DAPK2: variants seen among roughly 807,000 people sequenced by gnomAD.
The protein encoded by DAPK2 is death-associated protein kinase 2.
Under a neutral mutation model 44.1 loss-of-function variants are expected in DAPK2, and 35 were observed. The ratio of observed to expected loss-of-function variants is 0.79; its 90% confidence interval spans 0.61 to 1.05. DAPK2 has a LOEUF of 1.05. DAPK2 is among the 50% of genes least tolerant of loss of function. DAPK2 has a pLI of 0.00. For synonymous variants in DAPK2, 174 were observed against 182.6 expected (o/e 0.95, Z 0.38); for missense variants, 453 against 483.2 (o/e 0.94, Z 0.59).
At chr15:63,922,290 C>A (rs117398670) in intron 8 of DAPK2, 14,474 of 992,808 alleles carry the variant, frequency 0.015, 123 homozygotes, top group Non-Finnish European at 0.016. Flanking sequence ...ATTGTAAATC[C>A]CTGCTTCTGT....
intron 1 of DAPK2, among the ~76,000 whole-genome samples, chr15:64,036,136 C>T (rs1225019452): frequency 6.6e-6 from 1 of 151,052 alleles, no homozygotes; most frequent in African/African-American, 2.4e-5. Flanking sequence ...TAGCACGCAC[C>T]TGTAGTCCCA....
At chr15:64,046,313 TGCCGCGGTCGCG>T (rs2080461864) in exon 1 of DAPK2, 5 of 964,522 alleles carry the variant, frequency 5.2e-6, no homozygotes, top group South Asian at 2.5e-4. This position sits in a 1 kb window ranked among gnomAD's most constrained non-coding sequence, Gnocchi z 5.3. Context: ...GAGGCTGAGC[TGCCGCGGTCGCG>T]GCCGCGGCAG....
At chr15:63,930,060 G>A (rs1376697866) in intron 5 of DAPK2, among the ~76,000 whole-genome samples, 2 of 152,250 alleles carry the variant, frequency 1.3e-5, no homozygotes, top group Non-Finnish European at 2.9e-5. Context: ...GACTTTCAGT[G>A]ATGACTTGGT....
Position 63,925,985 on chromosome 15 carries a change from C to G in DAPK2, c.768G>C (p.Glu256Asp), listed in dbSNP as rs374682269. 3.1e-5 allele frequency: 50 copies of G among 1,614,082 alleles called. No individual in the cohort carries two copies. Among genetic ancestry groups the G allele is most frequent in the Non-Finnish European group, 4.1e-5 (48 of 1,180,042 alleles). Residue 256 changes from glutamate to aspartate, a missense_variant, in exon 7 of 11, where the codon GAG (glutamate) becomes GAC (aspartate). Transcript: ENST00000261891. ...GCTTCCGAATAAAGTCCTTGGCCAG[C>G]TCGCTCGTCTGGCTGAAGAATTCCT...
intron 1 of DAPK2, among the ~76,000 whole-genome samples, chr15:64,000,434 A>AC: frequency 6.6e-6 from 1 of 152,356 alleles, no homozygotes; most frequent in South Asian, 2.1e-4. Context: ...AGAGACCTCT[A>AC]CAAAGCCTCT....
chr15:63,936,877 G>A (rs1208954824), intron 4 of DAPK2, among the ~76,000 whole-genome samples: 2 of 151,460 alleles, frequency 1.3e-5, no homozygotes, highest in Non-Finnish European at 2.9e-5. Context: ...CTACTCAGGA[G>A]GCTGAGGTGG....
At chr15:63,932,466 C>CAAAAAAAA (rs61026642) in intron 4 of DAPK2, 23 of 68,208 alleles carry the variant, frequency 3.4e-4, no homozygotes, top group African/African-American at 6.0e-4. Context: ...AACTCCGTCT[C>CAAAAAAAA]AAAAAAAAAA....
chr15:64,031,922 C>G (rs1181692686), intron 1 of DAPK2, among the ~76,000 whole-genome samples: 1 of 152,144 alleles, frequency 6.6e-6, no homozygotes, highest in Non-Finnish European at 1.5e-5. Context: ...TTTGGGGAAT[C>G]CTGGACATTC....
chr15:64,011,603 A>C (rs1032651481), intron 1 of DAPK2, among the ~76,000 whole-genome samples: 1 of 152,204 alleles, frequency 6.6e-6, no homozygotes, highest in Non-Finnish European at 1.5e-5. Flanking sequence ...GATAATGAAA[A>C]TGTTCTATAT....
chr15:63,986,042 A>T (rs746076348), intron 1 of DAPK2, among the ~76,000 whole-genome samples: 2 of 152,194 alleles, frequency 1.3e-5, no homozygotes, highest in Non-Finnish European at 2.9e-5. Context: ...CACTCGTCTC[A>T]CCTGTCTTCA....
intron 3 of DAPK2, among the ~76,000 whole-genome samples, chr15:63,945,922 GGTCCAAGCCAGA>G (rs2140492299): frequency 6.6e-6 from 1 of 152,318 alleles, no homozygotes; most frequent in African/African-American, 2.4e-5. Flanking sequence ...CACACTGCTG[GGTCCAAGCCAGA>G]GTGCCCTCTG....
chr15:64,042,588 G>A (rs2080375601), upstream of DAPK2, among the ~76,000 whole-genome samples: 1 of 152,218 alleles, frequency 6.6e-6, no homozygotes, highest in African/African-American at 2.4e-5. This position sits in a 1 kb window ranked among gnomAD's most constrained non-coding sequence, Gnocchi z 4.7. Flanking sequence ...CCTCTGCCTT[G>A]GGCTCTATAT....
In DAPK2 at chr15:64,017,512, C is replaced by A. The variant is rs570205627; in HGVS notation, c.92+22658G>T. Among the ~76,000 whole-genome samples, 41 of 152,316 alleles carry A rather than the reference C, an allele frequency of 2.7e-4. No individual in the cohort carries two copies. In the Middle Eastern group the frequency reaches 0.01, roughly 38 times the overall value. On this transcript the variant is annotated intron_variant, in intron 1 of 10. Transcript: ENST00000261891. The stretch of plus-strand genomic sequence containing the variant: ...TTGCATCTCCCTGTGCCTAGAGAGC[C>A]GCATTCCAGGACACGGGCAGGTCCA...
intron 6 of DAPK2, 37 bp from the exon 8 acceptor site, chr15:63,926,130 A>C: frequency 6.4e-7 from 1 of 1,569,762 alleles, no homozygotes; most frequent in African/African-American, 1.4e-5. Flanking sequence ...TAACTAAGGG[A>C]AAGTAGGTGG....
intron 3 of DAPK2, among the ~76,000 whole-genome samples, chr15:63,959,159 T>C (rs2077814541): frequency 6.6e-6 from 1 of 152,230 alleles, no homozygotes; most frequent in Non-Finnish European, 1.5e-5. Context: ...TCTGTTTGTC[T>C]ATTATTTGTG....
intron 1 of DAPK2, among the ~76,000 whole-genome samples, chr15:64,001,655 C>T (rs563945992): frequency 1.3e-5 from 2 of 152,274 alleles, no homozygotes; most frequent in East Asian, 3.9e-4. Flanking sequence ...TCAATTGCAC[C>T]CTTAAGAACA....
At chr15:64,031,393 T>A (rs1408933822) in intron 1 of DAPK2, among the ~76,000 whole-genome samples, 1 of 152,074 alleles carries the variant, frequency 6.6e-6, no homozygotes, top group African/African-American at 2.4e-5. Flanking sequence ...CCACCACACT[T>A]GGCTAATTCT....
chr15:63,993,262 C>A (rs2078864413), intron 1 of DAPK2, among the ~76,000 whole-genome samples: 1 of 152,168 alleles, frequency 6.6e-6, no homozygotes, highest in African/African-American at 2.4e-5. Flanking sequence ...TATTTGTGAC[C>A]AAGAAGGGGC....
chr15:63,951,783 A>G (rs1184223195), intron 3 of DAPK2, among the ~76,000 whole-genome samples: 1 of 152,250 alleles, frequency 6.6e-6, no homozygotes, highest in African/African-American at 2.4e-5. Context: ...TTTTCCAGGT[A>G]AGACATGAAA....
Sources: gnomAD v4.1 joint callset for allele counts (sites outside exome capture counted in the v4.1 genomes callset) on GRCh38, gnomAD v4.1.1 for gene constraint, Gnocchi (gnomAD v3.1) non-coding constraint, MANE v1.5 for transcripts, NCBI Gene and HGNC (gene_info 2026-07-23, HGNC 2026-07-21) for gene names.